Variants in MAML2 observed in about 807,000 individuals in gnomAD.
MAML2 encodes mastermind-like protein 2.
In MAML2, 22 loss-of-function variants were observed where a neutral mutation model predicts 96.1. The ratio of observed to expected loss-of-function variants is 0.23; its 90% CI spans 0.16 to 0.33. The LOEUF (loss-of-function observed/expected upper bound fraction) is 0.33. Ranked by LOEUF, MAML2 falls within the 10% of genes least tolerant of loss-of-function variation. MAML2 has a pLI of 1.00. For synonymous variants in MAML2, 561 were observed against 521.3 expected, an observed-to-expected ratio of 1.08 and a Z score of -1.04; for missense variants, 1,367 against 1,392.4, an observed-to-expected ratio of 0.98 and a Z score of 0.29.
At chr11:96,164,906 G>C (rs185335127) in intron 1 of MAML2, among the ~76,000 whole-genome samples, 1 of 152,286 alleles carries the variant, frequency 6.6e-6, no homozygotes, top group East Asian at 1.9e-4. Context: ...CATTGAACTT[G>C]TGCAATATAT....
At chr11:96,075,115 A>G (rs1345499558) in intron 2 of MAML2, among the ~76,000 whole-genome samples, 1 of 152,252 alleles carries the variant, frequency 6.6e-6, no homozygotes, top group East Asian at 1.9e-4. Context: ...TCGAGGTTAG[A>G]CATCACAAAG....
At chr11:96,243,655 C>CTTT (rs11394033) in intron 1 of MAML2, among the ~76,000 whole-genome samples, 53 of 135,708 alleles carry the variant, frequency 3.9e-4, no homozygotes, top group Admixed American at 5.2e-4. Context: ...CCTTCTTTTT[C>CTTT]TTTTTTTTTT....
chr11:96,336,424 T>G (rs903203130), intron 1 of MAML2, among the ~76,000 whole-genome samples: 5 of 152,230 alleles, frequency 3.3e-5, no homozygotes, highest in African/African-American at 1.2e-4. Context: ...TGCATACCAT[T>G]AGGCTGTAAG....
intron 1 of MAML2, among the ~76,000 whole-genome samples, chr11:96,265,695 C>T (rs533410378): frequency 2.0e-5 from 3 of 152,318 alleles, no homozygotes; most frequent in South Asian, 4.1e-4. Context: ...AACACACAAG[C>T]GGCTAGACGT....
At chr11:96,214,521 T>G (rs1404349019) in intron 1 of MAML2, among the ~76,000 whole-genome samples, 1 of 152,238 alleles carries the variant, frequency 6.6e-6, no homozygotes, top group African/African-American at 2.4e-5. Context: ...TTGGTGATCA[T>G]GTACAACAAA....
intron 2 of MAML2, among the ~76,000 whole-genome samples, chr11:95,998,068 C>T (rs1858019638): frequency 6.6e-6 from 1 of 152,016 alleles, no homozygotes; most frequent in Non-Finnish European, 1.5e-5. Context: ...TATATAGCAA[C>T]AGCTTCCTTA....
intron 1 of MAML2, among the ~76,000 whole-genome samples, chr11:96,250,328 A>G (rs1292324244): frequency 2.6e-5 from 4 of 152,220 alleles, no homozygotes; most frequent in Non-Finnish European, 2.9e-5. Flanking sequence ...TGATGTTTCA[A>G]TACATATAAT....
chr11:96,314,678 C>G (rs1280289033), intron 1 of MAML2, among the ~76,000 whole-genome samples: 2 of 152,234 alleles, frequency 1.3e-5, no homozygotes, highest in Non-Finnish European at 2.9e-5. Flanking sequence ...TTCCAAGATG[C>G]CTCCCAAATT....
chr11:95,999,576 A>G lies in MAML2; in HGVS notation c.2140-7853T>C, dbSNP rs966514035. 3.7e-5 allele frequency among the ~76,000 whole-genome samples: 3 copies of G among 80,396 alleles called. No individual in the cohort carries two copies. The East Asian group carries it at 1.6e-3, about 44-fold the overall frequency. The allele number at this position is 80,396 out of a possible 152,430, so 52.7% of individuals were successfully genotyped here. ...CAGGCAGGTATTGTTCTCTTAATTA[A>G]AAAAAAAAAAAAAAGCTCTACAAAA... On this transcript the variant is annotated intron_variant, in intron 2 of 4. Coordinates refer to ENST00000524717, the MANE Select transcript of MAML2 (RefSeq NM_032427.4).
chr11:96,199,543 C>T (rs1226106194), intron 1 of MAML2, among the ~76,000 whole-genome samples: 4 of 146,876 alleles, frequency 2.7e-5, no homozygotes, highest in Admixed American at 6.7e-5. Context: ...TTTTTTTGAG[C>T]AAGTGATGAC....
At chr11:96,160,836 C>T (rs1168708241) in intron 1 of MAML2, among the ~76,000 whole-genome samples, 1 of 150,866 alleles carries the variant, frequency 6.6e-6, no homozygotes, top group Non-Finnish European at 1.5e-5. Flanking sequence ...GCTTGCTACA[C>T]AGTATGTCCT....
chr11:96,215,850 C>T (rs769775053), intron 1 of MAML2, among the ~76,000 whole-genome samples: 6 of 152,046 alleles, frequency 3.9e-5, no homozygotes, highest in Non-Finnish European at 8.8e-5. Flanking sequence ...GATCCAAGTC[C>T]AGAAATTACA....
Position 96,299,044 on chromosome 11 carries a change from C to CA in MAML2, c.513+42338dup, listed in dbSNP as rs71040142. ...TGGGCAACAGAGCGAGAGTCCATCT[C>CA]AAAAAAAAAAAAAAAAATATATATA... On this transcript the variant is annotated intron_variant, in intron 1 of 4. Coordinates refer to ENST00000524717, the MANE Select transcript of MAML2 (RefSeq NM_032427.4). Among the ~76,000 whole-genome samples the CA allele has an allele frequency of 2.4e-3, 195 of 80,790 alleles. 5 individuals are homozygous for CA. Among genetic ancestry groups the CA allele is most frequent in the African/African-American group, 5.5e-3 (100 of 18,240 alleles). The allele number at this position is 80,790 out of a possible 152,430, so 53.0% of individuals were successfully genotyped here. A position where few individuals can be genotyped will look rare whatever the true frequency, so the allele number is the denominator to read the frequency against.
intron 1 of MAML2, among the ~76,000 whole-genome samples, chr11:96,280,298 A>G (rs772757138): frequency 3.3e-5 from 5 of 152,096 alleles, no homozygotes; most frequent in African/African-American, 4.8e-5. Context: ...AAAATTATTT[A>G]CTCATTTTTT....
At position 96,341,787 on chromosome 11, in the gene MAML2, C is replaced by T. The variant is rs758942940; in HGVS notation, c.109G>A (p.Val37Met). Residue 37 changes from valine (V) to methionine (M), a missense_variant, in exon 1 of 5, where the codon GTG (valine) becomes ATG (methionine). Val to Met is a conservative substitution (Grantham distance 21). Coordinates refer to ENST00000524717, the MANE Select transcript of MAML2 (RefSeq NM_032427.4). ...GCGATCCGAGCCCGGAGGCGCTCCA[C>T]GATAGCACTGTGCACTCTCGGGGTG... ...SVTPRVHSAI[V>M]ERLRARIAVC... 1 of 1,609,798 alleles carries T rather than the reference C, an allele frequency of 6.2e-7. No homozygotes were observed. The highest frequency in any genetic ancestry group is 8.5e-7 in the Non-Finnish European group (1 of 1,179,044).
intron 2 of MAML2, among the ~76,000 whole-genome samples, chr11:96,015,682 T>G (rs547189628): frequency 1.3e-5 from 2 of 151,268 alleles, no homozygotes; most frequent in South Asian, 4.2e-4. Context: ...CAAAGTGACC[T>G]GAAAAATAAG....
chr11:96,304,322 G>C (rs750044425), intron 1 of MAML2, among the ~76,000 whole-genome samples: 1 of 152,168 alleles, frequency 6.6e-6, no homozygotes, highest in Non-Finnish European at 1.5e-5. Flanking sequence ...TCCACAAAAG[G>C]GTTGATGAGG....
rs1474862402 is a variant in MAML2 at position 96,275,339 on chromosome 11, G to A, written c.513+66044C>T. Among the ~76,000 whole-genome samples, 12 of 141,066 alleles carry A rather than the reference G, an allele frequency of 8.5e-5. No homozygotes were observed. In the South Asian group the frequency reaches 1.1e-3, roughly 13 times the overall value. 92.5% of individuals were successfully genotyped at this position (141,066 alleles called of 152,430 possible). A position where few individuals can be genotyped will look rare whatever the true frequency, so the allele number is the denominator to read the frequency against. ...GTCACCCAGGCTGGAGTGCAGTGGCGTGATCTCTGCTCACTGCAAGCTCTG... is the reference window on the plus strand; with the variant it reads ...GTCACCCAGGCTGGAGTGCAGTGGCATGATCTCTGCTCACTGCAAGCTCTG... On this transcript the variant is annotated intron_variant, in intron 1 of 4. Transcript: ENST00000524717.
chr11:96,057,956 T>C (rs1023137764), intron 2 of MAML2, among the ~76,000 whole-genome samples: 17 of 152,198 alleles, frequency 1.1e-4, no homozygotes, highest in Non-Finnish European at 2.5e-4. Flanking sequence ...TCACTGCAAG[T>C]TGTGCTTCCT....
Sources: allele counts gnomAD v4.1 joint callset (sites outside exome capture counted in the v4.1 genomes callset), GRCh38; gene constraint gnomAD v4.1.1; transcripts MANE v1.5; gene names NCBI Gene and HGNC (gene_info 2026-07-23, HGNC 2026-07-21).